The following KLF12 variants were observed in gnomAD, a reference collection of about 807,000 sequenced individuals.
KLF12 encodes the protein KLF transcription factor 12, also known as Krueppel-like factor 12.
In KLF12, 9 loss-of-function variants were observed where a neutral mutation model predicts 37.8. The observed-to-expected ratio is 0.24, with a 90% CI of 0.14 to 0.42. The LOEUF is 0.42. KLF12 is among the 10% of genes least tolerant of loss of function. The pLI is 1.00. For missense variants in KLF12, 411 were observed against 516.0 expected (o/e 0.80, Z 1.97); for synonymous variants, 208 against 202.1 (o/e 1.03, Z -0.25).
intron 2 of KLF12, among the ~76,000 whole-genome samples, chr13:73,946,982 T>C (rs1227133377): frequency 6.6e-6 from 1 of 152,238 alleles, no homozygotes; most frequent in East Asian, 1.9e-4. Context: ...TAAGATCAGA[T>C]ACATATAATC....
intron 3 of KLF12, among the ~76,000 whole-genome samples, chr13:73,935,751 C>T (rs549874876): frequency 1.8e-4 from 27 of 152,068 alleles, no homozygotes; most frequent in Non-Finnish European, 3.1e-4. Context: ...TCTCAACCTC[C>T]GGAGTAGCTG....
At chr13:74,166,475 G>A in the KLF12 span, among the ~76,000 whole-genome samples, 46 of 152,216 alleles carry the variant, frequency 3.0e-4, no homozygotes, top group East Asian at 8.7e-3. Flanking sequence ...GAGACTGAAA[G>A]CTTCCAGTAA....
At chr13:74,143,477 A>G in the KLF12 span, among the ~76,000 whole-genome samples, 17 of 149,738 alleles carry the variant, frequency 1.1e-4, no homozygotes, top group Non-Finnish European at 2.1e-4. Context: ...TTAAGCATTT[A>G]CTATGTGCCA....
At chr13:74,087,315 C>T (rs1026352697) in intron 1 of KLF12, among the ~76,000 whole-genome samples, 1 of 151,540 alleles carries the variant, frequency 6.6e-6, no homozygotes, top group Non-Finnish European at 1.5e-5. Context: ...AGGTCAGAGA[C>T]AAGACAGAAG....
chr13:73,730,148 A>G (rs1329648952), intron 6 of KLF12, among the ~76,000 whole-genome samples: 6 of 151,992 alleles, frequency 3.9e-5, no homozygotes, highest in African/African-American at 1.5e-4. Context: ...CTGGAGCTTC[A>G]CTATCTTTGC....
intron 2 of KLF12, among the ~76,000 whole-genome samples, chr13:73,977,203 C>T (rs1031116608): frequency 5.9e-5 from 9 of 151,888 alleles, no homozygotes; most frequent in East Asian, 1.9e-4. Context: ...CACCAACACC[C>T]GGCTAGCTTT....
At chr13:74,049,781 G>A (rs1187298647) in intron 1 of KLF12, among the ~76,000 whole-genome samples, 1 of 152,038 alleles carries the variant, frequency 6.6e-6, no homozygotes, top group Admixed American at 6.6e-5. Context: ...AACCAAATAG[G>A]GGATCCCTTG....
chr13:74,094,412 T>C (rs1875857463), intron 1 of KLF12, among the ~76,000 whole-genome samples: 1 of 152,116 alleles, frequency 6.6e-6, no homozygotes, highest in Non-Finnish European at 1.5e-5. Flanking sequence ...GCATTTTCCT[T>C]TACATATCAT....
At chr13:73,728,120 TAAA>T (rs1594015387) in intron 6 of KLF12, among the ~76,000 whole-genome samples, 1 of 152,228 alleles carries the variant, frequency 6.6e-6, no homozygotes, top group African/African-American at 2.4e-5. Context: ...TCCGTTTAAT[TAAA>T]AAAATTTTTT....
At chr13:73,803,274 C>G (rs1200894980) in intron 5 of KLF12, among the ~76,000 whole-genome samples, 2 of 152,192 alleles carry the variant, frequency 1.3e-5, no homozygotes, top group African/African-American at 4.8e-5. Context: ...GAATCTTCTT[C>G]AGTTGGTCAG....
At chr13:73,766,490 T>C (rs1044313180) in intron 5 of KLF12, among the ~76,000 whole-genome samples, 1 of 152,220 alleles carries the variant, frequency 6.6e-6, no homozygotes, top group African/African-American at 2.4e-5. Context: ...TTCTGTCTGC[T>C]TGAAATACAA....
At chr13:73,913,917 TAAAAG>T (rs1888692315) in intron 3 of KLF12, among the ~76,000 whole-genome samples, 3 of 152,204 alleles carry the variant, frequency 2.0e-5, no homozygotes, top group Admixed American at 6.5e-5. Context: ...ATTTTTCTAT[TAAAAG>T]AAAAGTTTTT....
intron 3 of KLF12, among the ~76,000 whole-genome samples, chr13:73,934,950 A>ATTTATTTAT (rs1889857646): frequency 2.9e-5 from 4 of 139,588 alleles, no homozygotes; most frequent in African/African-American, 1.1e-4. Flanking sequence ...ATAGGTTTTT[A>ATTTATTTAT]TTATTTATTT....
intron 5 of KLF12, 82 bp downstream of exon 5, chr13:73,813,070 G>C (rs528509757): frequency 7.6e-6 from 11 of 1,447,332 alleles, no homozygotes; most frequent in Middle Eastern, 2.1e-4. Context: ...TGACATGGCT[G>C]GGGGACAGGA....
intron 3 of KLF12, among the ~76,000 whole-genome samples, chr13:73,854,908 TC>T (rs1361731962): frequency 6.6e-6 from 1 of 152,164 alleles, no homozygotes; most frequent in African/African-American, 2.4e-5. Context: ...ATACTTGTCT[TC>T]TAATAGAAAA....
In KLF12 at chr13:73,805,604, A is replaced by AGAAG. The variant is rs1206307171; in HGVS notation, c.806+7544_806+7547dup. 2.3e-3 allele frequency among the ~76,000 whole-genome samples: 209 copies of AGAAG among 89,676 alleles called. 14 individuals are homozygous for AGAAG. The highest frequency in any genetic ancestry group is 6.3e-3 in the African/African-American group (158 of 25,166). 58.8% of individuals were successfully genotyped at this position (89,676 alleles called of 152,430 possible). On this transcript the variant is annotated intron_variant, in intron 5 of 7. Transcript: ENST00000377669. ...TAACCTGGGCAACAGAGGCACTGTC[A>AGAAG]GAAGGAAGGGAGGGAGGGAGGGAGG...
chr13:74,250,571 A>G, the KLF12 span, among the ~76,000 whole-genome samples: 2 of 152,298 alleles, frequency 1.3e-5, no homozygotes, highest in South Asian at 2.1e-4. Flanking sequence ...AGAAGGCCAG[A>G]GCTAGGCTTC....
intron 3 of KLF12, among the ~76,000 whole-genome samples, chr13:73,873,801 T>G (rs1886582581): frequency 6.6e-6 from 1 of 152,142 alleles, no homozygotes; most frequent in African/African-American, 2.4e-5. Context: ...ATCTGTAATA[T>G]GTATTAATAT....
At chr13:73,819,127 A>G (rs891363961) in intron 4 of KLF12, among the ~76,000 whole-genome samples, 2 of 152,180 alleles carry the variant, frequency 1.3e-5, no homozygotes, top group South Asian at 2.1e-4. Flanking sequence ...TCTTTAGGAT[A>G]AAAACATGGC....
Sources: gnomAD v4.1 joint callset for allele counts (sites outside exome capture counted in the v4.1 genomes callset) on GRCh38, gnomAD v4.1.1 for gene constraint, MANE v1.5 for transcripts, NCBI Gene and HGNC (gene_info 2026-07-23, HGNC 2026-07-21) for gene names.